Variants in SMC5 observed in about 807,000 individuals in gnomAD.
SMC5 encodes structural maintenance of chromosomes protein 5.
Under a neutral mutation model 148.3 loss-of-function variants are expected in SMC5, and 88 were observed. The ratio of observed to expected loss-of-function variants is 0.59; its 90% CI spans 0.50 to 0.71. SMC5 has a LOEUF of 0.71. Ranked by LOEUF, SMC5 falls within the 30% of genes least tolerant of loss-of-function variation. The probability of loss-of-function intolerance (pLI) is 0.00; values close to 1 mark genes in which losing one functional copy is unlikely to be tolerated. For missense variants in SMC5, 1,142 were observed against 1,298.9 expected (o/e 0.88, Z 1.86); for synonymous variants, 421 against 432.8 (o/e 0.97, Z 0.34).
Position 70,286,236 on chromosome 9 carries a change from CAGA to C in SMC5, c.1021_1023del (p.Lys341del). 2 of 1,538,636 alleles carry C rather than the reference CAGA, an allele frequency of 1.3e-6. No individual in the cohort carries two copies. The highest frequency in any genetic ancestry group is 1.8e-6 in the Non-Finnish European group (2 of 1,136,286). ...TAAGGAGGCATCTCAAAAATGCAAA[CAGA>C]AGCAAGATGTTATAGAAAGGAAAGA... On this transcript the variant is annotated inframe_deletion, in exon 8 of 25. Transcript: ENST00000361138.
chr9:70,314,100 C>G (rs1295742693), intron 11 of SMC5, among the ~76,000 whole-genome samples: 4 of 152,072 alleles, frequency 2.6e-5, no homozygotes, highest in Admixed American at 1.3e-4. Flanking sequence ...GATTTTGAGG[C>G]TTCTCACTTT....
At chr9:70,287,477 A>C (rs2034937729) in intron 8 of SMC5, among the ~76,000 whole-genome samples, 1 of 152,142 alleles carries the variant, frequency 6.6e-6, no homozygotes. Flanking sequence ...CAGATGCCCA[A>C]ATATATGTGT....
Position 70,298,123 on chromosome 9 carries a change from C to G in SMC5, c.1211C>G (p.Thr404Arg). The change falls in exon 9 of 25, where the codon ACA becomes AGA. Residue 404 changes from threonine (T) to arginine (R), a missense_variant. By Grantham distance (71) the Thr-to-Arg change is moderately conservative. Around this residue, in one of 5 missense-constraint regions of SMC5, gnomAD observed 743 missense variants for 835.7 expected, o/e 0.89. Coordinates refer to ENST00000361138, the MANE Select transcript of SMC5 (RefSeq NM_015110.4). ...CTTCAGCCCCAGATTGATGCCATTA[C>G]AAATGATCTGAGACGGATTCAGGAT... is the stretch of plus-strand genomic sequence containing the variant. ...ENLQPQIDAI[T>R]NDLRRIQDEK... is the part of the protein sequence containing the mutation. The G allele has an allele frequency of 6.2e-7, 1 of 1,613,936 alleles. No homozygotes were observed. Among genetic ancestry groups the G allele is most frequent in the Non-Finnish European group, 8.5e-7 (1 of 1,179,934 alleles).
At chr9:70,289,464 T>C (rs980645445) in intron 8 of SMC5, among the ~76,000 whole-genome samples, 2 of 152,240 alleles carry the variant, frequency 1.3e-5, no homozygotes, top group Admixed American at 1.3e-4. Flanking sequence ...TTTATTTCTG[T>C]ACCATGTTTT....
intron 17 of SMC5, among the ~76,000 whole-genome samples, chr9:70,327,750 CCAGATATTTA>C (rs1391055812): frequency 2.6e-5 from 4 of 152,046 alleles, no homozygotes; most frequent in Non-Finnish European, 5.9e-5. Flanking sequence ...AAAAAGATAG[CCAGATATTTA>C]CATGTACCCT....
At chr9:70,344,534 C>A in intron 18 of SMC5, 1 of 166,282 alleles carries the variant, frequency 6.0e-6, no homozygotes, top group Non-Finnish European at 1.3e-5. Flanking sequence ...TTCATGGAAA[C>A]ATTGTACCAG....
At chr9:70,308,685 C>A (rs1468790157) in intron 11 of SMC5, among the ~76,000 whole-genome samples, 2 of 148,000 alleles carry the variant, frequency 1.4e-5, no homozygotes, top group Non-Finnish European at 3.0e-5. Flanking sequence ...TGTCTCTCAA[C>A]ATTTTTTCTT....
intron 3 of SMC5, among the ~76,000 whole-genome samples, chr9:70,274,452 A>G (rs867778293): frequency 4.1e-4 from 60 of 147,648 alleles, no homozygotes; most frequent in African/African-American, 1.5e-3. Context: ...TTAGTTTGCC[A>G]TTAATGTAGT....
In SMC5 at chr9:70,344,224, A is replaced by G. The variant is rs1360547048; in HGVS notation, c.2478A>G (p.Val826=). ...CKELMKRARQ[V]CNLGAEQTLP... ...AACTTATGAAAAGAGCTAGGCAAGTATGTAACCTGGGTGCAGAGCAGACTC... is the reference window on the plus strand; with the variant it reads ...AACTTATGAAAAGAGCTAGGCAAGTGTGTAACCTGGGTGCAGAGCAGACTC... Residue 826 remains valine, a synonymous_variant, in exon 18 of 25, where the codon GTA becomes GTG. Coordinates refer to ENST00000361138, the MANE Select transcript of SMC5 (RefSeq NM_015110.4). 5 of 1,551,528 alleles carry G rather than the reference A, an allele frequency of 3.2e-6. No homozygotes were observed. In the South Asian group the frequency reaches 5.0e-5, roughly 16 times the overall value.
Position 70,352,227 on chromosome 9 carries a change from G to A in SMC5, c.3202G>A (p.Val1068Ile), listed in dbSNP as rs2036822559. Residue 1068 changes from valine (V) to isoleucine (I), a missense_variant, in exon 25 of 25, where the codon GTT (valine) becomes ATT (isoleucine). Physicochemically the swap from Val to Ile is conservative, Grantham distance 29. Transcript: ENST00000361138. Reference sequence around the variant, plus strand: ...TCTTCCTTATTCTGAAAAGATGACAGTTTTGTTTGTCTACAATGGCCCTCA... The same window carrying A: ...TCTTCCTTATTCTGAAAAGATGACAATTTTGTTTGTCTACAATGGCCCTCA... The part of the protein sequence containing the change: ...QNLPYSEKMT[V>I]LFVYNGPHML... 5.6e-6 allele frequency: 9 copies of A among 1,611,364 alleles called. No homozygotes were observed. The highest frequency in any genetic ancestry group is 7.6e-6 in the Non-Finnish European group (9 of 1,179,252).
In SMC5 at chr9:70,259,192, G is replaced by C. The variant is rs765334362; in HGVS notation, c.114G>C (p.Gln38His). The C allele has an allele frequency of 1.9e-5, 30 of 1,608,810 alleles. No individual in the cohort carries two copies. The highest frequency in any genetic ancestry group is 2.2e-5 in the Non-Finnish European group (26 of 1,177,692). Residue 38 changes from glutamine to histidine, a missense_variant, in exon 1 of 25, where the codon CAG (glutamine) becomes CAC (histidine). Gln to His is a conservative substitution (Grantham distance 24). Around this residue, in one of 5 missense-constraint regions of SMC5, gnomAD observed 297 missense variants for 302.6 expected, o/e 0.98. Coordinates refer to ENST00000361138, the MANE Select transcript of SMC5 (RefSeq NM_015110.4). ...VPSKRKNSAP[Q>H]LPLLQSSGPF... ...GCAAGAGGAAGAATTCGGCCCCGCA[G>C]CTGCCGCTGTTGCAGTCGTCCGGGC...
intron 15 of SMC5, among the ~76,000 whole-genome samples, chr9:70,320,305 C>A (rs1477448490): frequency 6.6e-6 from 1 of 152,104 alleles, no homozygotes; most frequent in African/African-American, 2.4e-5. Flanking sequence ...ATACTTGTAA[C>A]CCCAACACTT....
chr9:70,285,583 A>G (rs73446793), intron 7 of SMC5, among the ~76,000 whole-genome samples: 1,804 of 152,316 alleles, frequency 0.012, 26 homozygotes, highest in African/African-American at 0.04. Context: ...CCCAAAATCC[A>G]AATTTCCAGA....
intron 12 of SMC5, 116 bp from the exon 13 acceptor site, chr9:70,315,330 G>A (rs2118573347): frequency 1.7e-6 from 1 of 591,146 alleles, no homozygotes; most frequent in South Asian, 3.6e-5. Flanking sequence ...GACTTGTCCT[G>A]TGTCATTGTT....
chr9:70,282,372 T>G, intron 6 of SMC5, 50 bp from the exon 7 acceptor site: 1 of 1,511,914 alleles, frequency 6.6e-7, no homozygotes, highest in Admixed American at 2.4e-5. Context: ...TTAGTATATG[T>G]GTTAGTTTAA....
At chr9:70,351,803 C>T (rs12005666) in intron 24 of SMC5, among the ~76,000 whole-genome samples, 32,681 of 152,008 alleles carry the variant, frequency 0.21, 3,657 homozygotes, top group South Asian at 0.28. Context: ...TGGCTGGGGA[C>T]AGTGGCTCAC....
At position 70,259,263 on chromosome 9, in the gene SMC5, T is replaced by A. The variant is rs1257573182; in HGVS notation, c.185T>A (p.Leu62Gln). The A allele has an allele frequency of 6.3e-7, 1 of 1,576,398 alleles. No homozygotes were observed. The highest frequency in any genetic ancestry group is 1.2e-5 in the South Asian group (1 of 86,422). Residue 62 changes from leucine (L) to glutamine (Q), a missense_variant and splice_region_variant, in exon 1 of 25, where the codon CTA becomes CAA. By Grantham distance (113) the Leu-to-Gln change is moderately radical (BLOSUM62 -2). Transcript: ENST00000361138. ...GTCCGCATCTCGATGGAGAACTTCC[T>A]GTAAGTTGCCCGGAGGCCGCGCCGC... is the stretch of plus-strand genomic sequence containing the variant. ...SIVRISMENF[L>Q]TYDICEVSPG... is the part of the protein sequence containing the mutation.
intron 8 of SMC5, among the ~76,000 whole-genome samples, chr9:70,293,313 G>T (rs2035113137): frequency 6.6e-6 from 1 of 151,684 alleles, no homozygotes; most frequent in Non-Finnish European, 1.5e-5. Context: ...TTTCATTCCT[G>T]ATACTGGCAA....
chr9:70,315,342 AAAT>A, intron 12 of SMC5, 101 bp from the exon 13 acceptor site: 1 of 667,850 alleles, frequency 1.5e-6, no homozygotes, highest in Non-Finnish European at 2.3e-6. Context: ...GTCATTGTTG[AAAT>A]AATGTATGTT....
Sources: allele counts gnomAD v4.1 joint callset (sites outside exome capture counted in the v4.1 genomes callset), GRCh38; gene constraint gnomAD v4.1.1; regional missense constraint gnomAD v4.1.1; transcripts MANE v1.5; gene names NCBI Gene and HGNC (gene_info 2026-07-23, HGNC 2026-07-21).